Variants in AGO2 observed in about 807,000 individuals in gnomAD.
The protein encoded by AGO2 is argonaute RISC catalytic component 2, also known as protein argonaute-2.
AGO2 carries 5 observed loss-of-function variants against 102.3 expected under a neutral mutation model. The observed-to-expected ratio is 0.05, with a 90% CI of 0.03 to 0.10. The LOEUF (loss-of-function observed/expected upper bound fraction) is 0.10. AGO2 is among the 10% of genes least tolerant of loss of function. The pLI is 1.00. For synonymous variants in AGO2, 449 were observed against 473.1 expected (o/e 0.95, Z 0.66); for missense variants, 541 against 1,183.7 (o/e 0.46, Z 7.97).
chr8:140,610,224 C>A (rs2074058270), intron 1 of AGO2, among the ~76,000 whole-genome samples: 2 of 151,720 alleles, frequency 1.3e-5, no homozygotes, highest in Non-Finnish European at 2.9e-5. Context: ...AACAAACACC[C>A]CCAAAACCAA....
chr8:140,604,731 G>A (rs571536495), intron 1 of AGO2, among the ~76,000 whole-genome samples: 8 of 151,770 alleles, frequency 5.3e-5, no homozygotes, highest in South Asian at 4.2e-4. Context: ...GGGGGCTGAG[G>A]CAGGAGAATG....
At chr8:140,604,823 T>G (rs1183597311) in intron 1 of AGO2, among the ~76,000 whole-genome samples, 2 of 61,756 alleles carry the variant, frequency 3.2e-5, no homozygotes, top group African/African-American at 1.2e-4. Context: ...CGAGACTCCA[T>G]CTCAAAAAAA....
chr8:140,595,656 CTATATATAT>C (rs2073816779), intron 1 of AGO2, among the ~76,000 whole-genome samples: 2 of 124,514 alleles, frequency 1.6e-5, no homozygotes, highest in African/African-American at 6.1e-5. Flanking sequence ...ATATGCCAGG[CTATATATAT>C]TATATATATA....
Position 140,601,127 on chromosome 8 carries a change from T to C in AGO2, c.23-15816A>G, listed in dbSNP as rs112298700. Among the ~76,000 whole-genome samples the C allele has an allele frequency of 5.6e-3, 848 of 152,280 alleles. 9 individuals are homozygous for C. Among genetic ancestry groups the C allele is most frequent in the African/African-American group, 0.019 (788 of 41,566 alleles). ...ATCCCTCCACTCTCAAGTTCCCCAG[T>C]GGCATCTCATCTGCACCTGGAGACA... On this transcript the variant is annotated intron_variant, in intron 1 of 18. Coordinates refer to ENST00000220592, the MANE Select transcript of AGO2 (RefSeq NM_012154.5).
chr8:140,611,210 G>C (rs2074073141), intron 1 of AGO2, among the ~76,000 whole-genome samples: 1 of 152,202 alleles, frequency 6.6e-6, no homozygotes, highest in African/African-American at 2.4e-5. Context: ...AGTACCCTCA[G>C]ACGCTGGACT....
rs1326521508 is a variant in AGO2 at position 140,567,201 on chromosome 8, G to C, written c.337-4567C>G. On this transcript the variant is annotated intron_variant, in intron 3 of 18. Transcript: ENST00000220592. This position sits in a 1 kb window ranked among gnomAD's most constrained non-coding sequence, Gnocchi z 5.0. ...CTTGGCCTGCAGAGAAAGGACAGCA[G>C]AGTCACCCCGGGCTCTGTAACTATC... is the stretch of plus-strand genomic sequence containing the variant. Among the ~76,000 whole-genome samples the C allele has an allele frequency of 6.6e-6, 1 of 152,276 alleles. No individual in the cohort carries two copies. The highest frequency in any genetic ancestry group is 6.5e-5 in the Admixed American group (1 of 15,288).
chr8:140,567,999 C>T lies in AGO2; in HGVS notation c.336+4813G>A, dbSNP rs2073315792. Among the ~76,000 whole-genome samples, 1 of 151,226 alleles carries T rather than the reference C, an allele frequency of 6.6e-6. No individual in the cohort carries two copies. The highest frequency in any genetic ancestry group is 2.4e-5 in the African/African-American group (1 of 41,052). On this transcript the variant is annotated intron_variant, in intron 3 of 18. Transcript: ENST00000220592. This position sits in a 1 kb window ranked among gnomAD's most constrained non-coding sequence, Gnocchi z 5.0. Reference sequence around the variant, plus strand: ...TAGTGGCGGGGCACAGTGGCTCACACCTGTAATCTCAGCACTTTGGGAGGC... The same window carrying T: ...TAGTGGCGGGGCACAGTGGCTCACATCTGTAATCTCAGCACTTTGGGAGGC...
rs2072586319 is a variant in AGO2, at chr8:140,531,013, AT to A, written c.*1030del. The A allele has an allele frequency of 6.6e-6, 1 of 152,272 alleles. No individual in the cohort carries two copies. Among genetic ancestry groups the A allele is most frequent in the South Asian group, 2.1e-4 (1 of 4,830 alleles). The allele number at this position is 152,272 out of a possible 1,614,324, so 9.4% of individuals were successfully genotyped here. On this transcript the variant is annotated 3_prime_UTR_variant, in exon 19 of 19. Transcript: ENST00000220592. Reference sequence around the variant, plus strand: ...CACGGGGGAAGCGGGTTGCTGTCACATTAAGTCAATTGCATATTCCTGTCCT... The same window carrying A: ...CACGGGGGAAGCGGGTTGCTGTCACATAAGTCAATTGCATATTCCTGTCCT...
At chr8:140,577,622 T>C (rs2073487402) in intron 2 of AGO2, among the ~76,000 whole-genome samples, 1 of 152,128 alleles carries the variant, frequency 6.6e-6, no homozygotes, top group Non-Finnish European at 1.5e-5. Flanking sequence ...AGGGAGGCCA[T>C]GGCGCTGGGG....
intron 10 of AGO2, among the ~76,000 whole-genome samples, chr8:140,553,350 C>T (rs1288562983): frequency 1.3e-5 from 2 of 151,310 alleles, no homozygotes; most frequent in Non-Finnish European, 2.9e-5. Context: ...CGTCACTGCA[C>T]TGGAGCCAGG....
chr8:140,602,158 CAT>C (rs1236406061), intron 1 of AGO2, among the ~76,000 whole-genome samples: 3 of 152,218 alleles, frequency 2.0e-5, no homozygotes, highest in Non-Finnish European at 2.9e-5. Context: ...CACATGAACA[CAT>C]GAGGGTCCTT....
Position 140,521,536 on chromosome 8 carries a change from CA to C in AGO2, c.*10507del, listed in dbSNP as rs1480021362. The C allele has an allele frequency of 6.6e-6, 1 of 152,144 alleles. No individual in the cohort carries two copies. Among genetic ancestry groups the C allele is most frequent in the East Asian group, 1.9e-4 (1 of 5,198 alleles). 9.4% of individuals were successfully genotyped at this position (152,144 alleles called of 1,614,324 possible). ...TAAGACTCCAAAATATTGTTACCTC[CA>C]AAGAATTAAGTAAAAAAAGATCGCC... On this transcript the variant is annotated 3_prime_UTR_variant, in exon 19 of 19. Coordinates refer to ENST00000220592, the MANE Select transcript of AGO2 (RefSeq NM_012154.5).
chr8:140,608,775 G>A (rs2074038389), intron 1 of AGO2, among the ~76,000 whole-genome samples: 1 of 152,232 alleles, frequency 6.6e-6, no homozygotes, highest in Admixed American at 6.5e-5. Flanking sequence ...GGGTGTCCCT[G>A]CGAGACCTAT....
chr8:140,559,441 T>G lies in AGO2; in HGVS notation c.744A>C (p.Lys248Asn). Residue 248 changes from lysine to asparagine, a missense_variant, in exon 6 of 19, where the codon AAA (lysine) becomes AAC (asparagine). Physicochemically the swap from Lys to Asn is moderately conservative, Grantham distance 94 (BLOSUM62 0). Coordinates refer to ENST00000220592, the MANE Select transcript of AGO2 (RefSeq NM_012154.5). ...TTACCCTTTGGGAATCTGTCAGAGGTTTTTGTTGTTCTTCAATACTTTTAA... is the reference window on the plus strand; with the variant it reads ...TTACCCTTTGGGAATCTGTCAGAGGGTTTTGTTGTTCTTCAATACTTTTAA... The part of the protein sequence containing the change: ...LDFKSIEEQQ[K>N]PLTDSQRVKF... 1 of 1,614,226 alleles carries G rather than the reference T, an allele frequency of 6.2e-7. No homozygotes were observed. Among genetic ancestry groups the G allele is most frequent in the Non-Finnish European group, 8.5e-7 (1 of 1,180,026 alleles).
chr8:140,576,713 T>C (rs889061841), intron 2 of AGO2, among the ~76,000 whole-genome samples: 14 of 152,232 alleles, frequency 9.2e-5, no homozygotes, highest in Non-Finnish European at 1.6e-4. Flanking sequence ...TTTACCACCC[T>C]GTCTAGCAAC....
chr8:140,543,255 T>G (rs984059743), intron 14 of AGO2, among the ~76,000 whole-genome samples: 2 of 151,330 alleles, frequency 1.3e-5, no homozygotes, highest in African/African-American at 4.9e-5. Flanking sequence ...GTGGGAGTGG[T>G]GGGGTTGTGA....
chr8:140,577,483 A>G (rs1189744480), intron 2 of AGO2, among the ~76,000 whole-genome samples: 1 of 152,158 alleles, frequency 6.6e-6, no homozygotes, highest in African/African-American at 2.4e-5. Context: ...GGCCTACATA[A>G]AGGTAATTTC....
At chr8:140,559,300 G>A (rs1564086317) in intron 6 of AGO2, 95 bp downstream of exon 6, 4 of 1,491,934 alleles carry the variant, frequency 2.7e-6, no homozygotes, top group Non-Finnish European at 3.6e-6. Flanking sequence ...CTCCCCAAAT[G>A]CGCACAAGAA....
At chr8:140,559,620 A>G in intron 5 of AGO2, 91 bp from the exon 6 acceptor site, 2 of 1,536,932 alleles carry the variant, frequency 1.3e-6, no homozygotes, top group South Asian at 1.2e-5. Flanking sequence ...AGGCCAGGCC[A>G]GCCATGGTGG....
Sources: allele counts gnomAD v4.1 joint callset (sites outside exome capture counted in the v4.1 genomes callset), GRCh38; gene constraint gnomAD v4.1.1; non-coding constraint Gnocchi (gnomAD v3.1); transcripts MANE v1.5; gene names NCBI Gene and HGNC (gene_info 2026-07-23, HGNC 2026-07-21).